The following ERC2 variants were observed in gnomAD, a reference collection of about 807,000 sequenced individuals.
ERC2 encodes ELKS/RAB6-interacting/CAST family member 2.
A neutral mutation model predicts 114.8 loss-of-function variants in ERC2; 42 were observed. The ratio of observed to expected loss-of-function variants is 0.37; its 90% CI spans 0.29 to 0.47. The LOEUF (loss-of-function observed/expected upper bound fraction) is 0.47, where lower values mean the gene tolerates loss of function less well. Among genes scored for constraint, ERC2 ranks in the 20% least tolerant of loss-of-function variants. The pLI is 0.99. For synonymous variants in ERC2, 454 were observed against 425.5 expected (o/e 1.07, Z -0.82); for missense variants, 939 against 1,150.7 (o/e 0.82, Z 2.66).
At chr3:56,403,315 T>G (rs1389497325) in intron 2 of ERC2, among the ~76,000 whole-genome samples, 1 of 152,234 alleles carries the variant, frequency 6.6e-6, no homozygotes, top group East Asian at 1.9e-4. Flanking sequence ...CCTCTAGAAT[T>G]GCATTGTCCA....
chr3:55,963,172 T>C (rs1040145860), intron 12 of ERC2, among the ~76,000 whole-genome samples: 1 of 152,238 alleles, frequency 6.6e-6, no homozygotes, highest in Non-Finnish European at 1.5e-5. Context: ...AAGGGAACAC[T>C]GCAATTTCCC....
chr3:55,579,100 C>T (rs2057130717), intron 17 of ERC2, among the ~76,000 whole-genome samples: 1 of 152,116 alleles, frequency 6.6e-6, no homozygotes, highest in Non-Finnish European at 1.5e-5. Flanking sequence ...ATAGCTTTTC[C>T]CACTTCTTTA....
intron 17 of ERC2, among the ~76,000 whole-genome samples, chr3:55,679,812 A>G (rs1362045794): frequency 2.0e-5 from 3 of 152,164 alleles, no homozygotes; most frequent in African/African-American, 7.2e-5. Context: ...CTTTGTGTAG[A>G]GCTCAGAGCT....
intron 2 of ERC2, among the ~76,000 whole-genome samples, chr3:56,376,578 C>T (rs1389993892): frequency 6.6e-6 from 1 of 151,918 alleles, no homozygotes; most frequent in African/African-American, 2.4e-5. Context: ...GCCTGACCAA[C>T]ATGGTGAAAC....
At chr3:55,626,675 T>C (rs2059535162) in intron 17 of ERC2, among the ~76,000 whole-genome samples, 1 of 152,166 alleles carries the variant, frequency 6.6e-6, no homozygotes, top group African/African-American at 2.4e-5. Flanking sequence ...AGACACATGG[T>C]ACAGAAGAAT....
At chr3:55,615,690 T>C (rs1288898578) in intron 17 of ERC2, among the ~76,000 whole-genome samples, 4 of 152,220 alleles carry the variant, frequency 2.6e-5, no homozygotes, top group African/African-American at 9.6e-5. Flanking sequence ...TACCCAATAT[T>C]ACATGCACTA....
At chr3:55,911,836 C>A (rs2064830436) in intron 13 of ERC2, among the ~76,000 whole-genome samples, 1 of 152,112 alleles carries the variant, frequency 6.6e-6, no homozygotes, top group Non-Finnish European at 1.5e-5. Context: ...TAGATATAAC[C>A]AAATTTTCAG....
intron 7 of ERC2, among the ~76,000 whole-genome samples, chr3:56,030,487 T>C (rs2074312128): frequency 6.6e-6 from 1 of 152,240 alleles, no homozygotes; most frequent in African/African-American, 2.4e-5. Context: ...CTTTCATGTA[T>C]TTTGAAGCTC....
intron 7 of ERC2, among the ~76,000 whole-genome samples, chr3:56,075,073 C>T (rs1390636671): frequency 6.6e-6 from 1 of 152,160 alleles, no homozygotes; most frequent in African/African-American, 2.4e-5. Flanking sequence ...TAATTCCAAA[C>T]TGAACCAAGA....
chr3:56,077,102 T>C (rs1174715968), intron 7 of ERC2, among the ~76,000 whole-genome samples: 2 of 152,208 alleles, frequency 1.3e-5, no homozygotes, highest in Admixed American at 6.5e-5. Flanking sequence ...CAGCCAATTA[T>C]GCTGAATGCA....
intron 12 of ERC2, among the ~76,000 whole-genome samples, chr3:55,954,037 T>A (rs7643995): frequency 0.16 from 19,326 of 122,840 alleles, 1,890 homozygotes; most frequent in East Asian, 0.32. Context: ...CAAATCCCCA[T>A]CCACTTGGCA....
chr3:55,695,650 A>G (rs1156486437), intron 16 of ERC2, among the ~76,000 whole-genome samples: 2 of 152,164 alleles, frequency 1.3e-5, no homozygotes, highest in Non-Finnish European at 2.9e-5. Flanking sequence ...AAGGTATCCC[A>G]GGAAATGAAT....
chr3:55,936,160 G>A (rs1237445117), intron 13 of ERC2, among the ~76,000 whole-genome samples: 1 of 152,198 alleles, frequency 6.6e-6, no homozygotes, highest in Non-Finnish European at 1.5e-5. Context: ...TGCATGGGCT[G>A]ATTGGCGTTG....
chr3:56,426,302 G>A (rs13433818), intron 2 of ERC2, among the ~76,000 whole-genome samples: 6,585 of 152,272 alleles, frequency 0.043, 367 homozygotes, highest in African/African-American at 0.12. Flanking sequence ...AGGCCCAGAC[G>A]TGGAAGGAAC....
intron 2 of ERC2, among the ~76,000 whole-genome samples, chr3:56,356,887 T>G (rs1311845013): frequency 6.6e-6 from 1 of 152,206 alleles, no homozygotes; most frequent in African/African-American, 2.4e-5. Context: ...ACTTTATTGA[T>G]GAGCAAACTG....
chr3:55,584,156 C>A (rs1344515306), intron 17 of ERC2, among the ~76,000 whole-genome samples: 1 of 152,178 alleles, frequency 6.6e-6, no homozygotes, highest in Non-Finnish European at 1.5e-5. Context: ...GCCTCAGGGA[C>A]CCCCACAGGG....
chr3:55,787,117 T>C (rs1381098014), intron 14 of ERC2, among the ~76,000 whole-genome samples: 2 of 152,138 alleles, frequency 1.3e-5, no homozygotes, highest in Non-Finnish European at 2.9e-5. Flanking sequence ...AAGAAAAGAA[T>C]AAAAATAGTA....
At chr3:55,979,591 G>T (rs2069902878) in intron 12 of ERC2, among the ~76,000 whole-genome samples, 1 of 152,118 alleles carries the variant, frequency 6.6e-6, no homozygotes, top group African/African-American at 2.4e-5. Context: ...TGTACATACA[G>T]CTCCGTATAT....
intron 2 of ERC2, among the ~76,000 whole-genome samples, chr3:56,417,741 A>G (rs1472088790): frequency 6.6e-6 from 1 of 152,228 alleles, no homozygotes; most frequent in Non-Finnish European, 1.5e-5. Context: ...TAGAAAACAA[A>G]GCAGGAACCC....
Sources: allele counts gnomAD v4.1 joint callset (sites outside exome capture counted in the v4.1 genomes callset), GRCh38; gene constraint gnomAD v4.1.1; transcripts MANE v1.5; gene names NCBI Gene and HGNC (gene_info 2026-07-23, HGNC 2026-07-21).